The following PTPRN2 variants were observed in gnomAD, a reference collection of about 807,000 sequenced individuals.
PTPRN2 encodes receptor-type tyrosine-protein phosphatase N2.
PTPRN2 carries 74 observed loss-of-function variants against 118.8 expected under a neutral mutation model. The observed-to-expected ratio is 0.62, with a 90% CI of 0.52 to 0.76. The LOEUF (loss-of-function observed/expected upper bound fraction) is 0.76. Among genes scored for constraint, PTPRN2 ranks in the 30% least tolerant of loss-of-function variants. The pLI is 0.00. For synonymous variants in PTPRN2, 641 were observed against 608.0 expected, an observed-to-expected ratio of 1.05 and a Z score of -0.80; for missense variants, 1,481 against 1,394.4, an observed-to-expected ratio of 1.06 and a Z score of -0.99.
At position 158,298,040 on chromosome 7, in the gene PTPRN2, C is replaced by T. The variant is rs774480704; in HGVS notation, c.277+18779G>A. Among the ~76,000 whole-genome samples the T allele has an allele frequency of 1.8e-4, 27 of 152,188 alleles. No homozygotes were observed. In the East Asian group the frequency reaches 1.9e-3, roughly 11 times the overall value. Reference sequence around the variant, plus strand: ...CAAAGTCATTAGTAGTGTTTTCCTACGATTCTTGAATTCAATTTACCTATG... The same window carrying T: ...CAAAGTCATTAGTAGTGTTTTCCTATGATTCTTGAATTCAATTTACCTATG... On this transcript the variant is annotated intron_variant, in intron 3 of 22. Coordinates refer to ENST00000389418, the MANE Select transcript of PTPRN2 (RefSeq NM_002847.5).
rs183034766 is a variant in PTPRN2, at chr7:158,431,141, T to C, written c.163+58594A>G. ...TTATCTGAATGTTTTCAGTGACAGA[T>C]CAAAGAAAAGATCCCAGCCAGCGTG... is the stretch of plus-strand genomic sequence containing the variant. On this transcript the variant is annotated intron_variant, in intron 2 of 22. Coordinates refer to ENST00000389418, the MANE Select transcript of PTPRN2 (RefSeq NM_002847.5). Among the ~76,000 whole-genome samples the C allele has an allele frequency of 2.2e-3, 336 of 152,260 alleles. 7 individuals carry two copies. Among genetic ancestry groups the C allele is most frequent in the Admixed American group, 0.02 (302 of 15,302 alleles).
chr7:158,545,277 CACT>C (rs1826212855), intron 1 of PTPRN2, among the ~76,000 whole-genome samples: 1 of 152,220 alleles, frequency 6.6e-6, no homozygotes, highest in Non-Finnish European at 1.5e-5. Flanking sequence ...TGTCTCTCAC[CACT>C]AAGCTGTAAG....
At chr7:157,917,019 G>A (rs1432615202) in intron 11 of PTPRN2, among the ~76,000 whole-genome samples, 3 of 141,574 alleles carry the variant, frequency 2.1e-5, no homozygotes, top group Non-Finnish European at 4.6e-5. Flanking sequence ...TCCGGGACAC[G>A]TCCAATACAC....
At chr7:158,209,295 G>A (rs1457430193) in intron 3 of PTPRN2, among the ~76,000 whole-genome samples, 2 of 152,046 alleles carry the variant, frequency 1.3e-5, no homozygotes, top group African/African-American at 2.4e-5. Flanking sequence ...ATCATCTGTT[G>A]CCTATAAAAG....
intron 3 of PTPRN2, among the ~76,000 whole-genome samples, chr7:158,234,354 C>A (rs954310172): frequency 6.7e-6 from 1 of 149,494 alleles, no homozygotes; most frequent in African/African-American, 2.4e-5. Flanking sequence ...AAATGGCCAA[C>A]AGGTACAGTC....
chr7:158,229,817 A>G (rs1280314111), intron 3 of PTPRN2, among the ~76,000 whole-genome samples: 1 of 152,090 alleles, frequency 6.6e-6, no homozygotes, highest in East Asian at 1.9e-4. Flanking sequence ...AAGGGGTAGA[A>G]AGCTTACTCA....
Position 158,116,160 on chromosome 7 carries a change from G to A in PTPRN2, c.1557-5245C>T, listed in dbSNP as rs76725022. On this transcript the variant is annotated intron_variant, in intron 9 of 22. Coordinates refer to ENST00000389418, the MANE Select transcript of PTPRN2 (RefSeq NM_002847.5). ...ATTGGCATTAACTGCATGAATGAAT[G>A]AACACGAGAATGTCAAAAACAGCAA... Among the ~76,000 whole-genome samples, 510 of 152,242 alleles carry A rather than the reference G, an allele frequency of 3.3e-3. 2 individuals are homozygous for A. The highest frequency in any genetic ancestry group is 0.011 in the African/African-American group (473 of 41,548).
intron 12 of PTPRN2, among the ~76,000 whole-genome samples, chr7:157,820,458 T>C (rs1806755970): frequency 6.7e-6 from 1 of 148,622 alleles, no homozygotes; most frequent in African/African-American, 2.5e-5. Flanking sequence ...CCCACACACA[T>C]GCACACAAAC....
At chr7:158,096,227 C>T (rs1814617145) in intron 10 of PTPRN2, among the ~76,000 whole-genome samples, 2 of 152,106 alleles carry the variant, frequency 1.3e-5, no homozygotes, top group African/African-American at 2.4e-5. Flanking sequence ...TTGTGGGGCC[C>T]TTTGTTGAAG....
chr7:158,485,412 T>G (rs1365611902), intron 2 of PTPRN2, among the ~76,000 whole-genome samples: 21 of 36,064 alleles, frequency 5.8e-4, no homozygotes, highest in South Asian at 4.3e-3. Context: ...TCTGCGCCCC[T>G]CCTGCTCGGC....
At chr7:157,754,151 C>G (rs546848642) in intron 12 of PTPRN2, among the ~76,000 whole-genome samples, 2 of 152,360 alleles carry the variant, frequency 1.3e-5, no homozygotes, top group South Asian at 4.1e-4. Flanking sequence ...TCAGGAAGAG[C>G]AGGGCCTGGT....
chr7:157,870,433 C>T (rs1470217588), intron 12 of PTPRN2, among the ~76,000 whole-genome samples: 2 of 152,206 alleles, frequency 1.3e-5, no homozygotes, highest in Non-Finnish European at 2.9e-5. Context: ...TTTCATAAAG[C>T]ATCAATGACT....
chr7:158,294,805 G>A (rs1366931733), intron 3 of PTPRN2, among the ~76,000 whole-genome samples: 3 of 152,300 alleles, frequency 2.0e-5, no homozygotes, highest in East Asian at 1.9e-4. Context: ...CACGGCACCC[G>A]CTGACCCTGC....
intron 11 of PTPRN2, among the ~76,000 whole-genome samples, chr7:158,006,509 A>G (rs1180409704): frequency 1.3e-5 from 2 of 152,336 alleles, no homozygotes; most frequent in East Asian, 3.9e-4. Context: ...GGTGAGTCCC[A>G]GCGCCAGGCA....
At chr7:158,472,114 G>A (rs1196335158) in intron 2 of PTPRN2, among the ~76,000 whole-genome samples, 3 of 152,196 alleles carry the variant, frequency 2.0e-5, no homozygotes, top group Non-Finnish European at 4.4e-5. Flanking sequence ...TGACCAATAC[G>A]TGACCATTTC....
chr7:158,059,610 A>G (rs55889551), intron 11 of PTPRN2, among the ~76,000 whole-genome samples: 1 of 66,860 alleles, frequency 1.5e-5, no homozygotes, highest in African/African-American at 8.2e-5. Flanking sequence ...CTCCATCTGC[A>G]CACGGTGACA....
chr7:157,906,754 C>T (rs1250330940), intron 11 of PTPRN2, among the ~76,000 whole-genome samples: 2 of 152,164 alleles, frequency 1.3e-5, no homozygotes, highest in African/African-American at 2.4e-5. Flanking sequence ...CCCAGGACCA[C>T]GGGCGGTGTG....
intron 3 of PTPRN2, among the ~76,000 whole-genome samples, chr7:158,314,898 C>A: frequency 6.7e-6 from 1 of 149,658 alleles, no homozygotes; most frequent in African/African-American, 2.4e-5. Flanking sequence ...CCCTTAAGGA[C>A]AGAGGTGAAC....
At chr7:157,747,436 G>C (rs1801045438) in intron 12 of PTPRN2, among the ~76,000 whole-genome samples, 3 of 130,688 alleles carry the variant, frequency 2.3e-5, no homozygotes, top group Admixed American at 7.7e-5. Context: ...GGGCTGTCCG[G>C]GTGATTCTGA....
Sources: allele counts gnomAD v4.1 joint callset (sites outside exome capture counted in the v4.1 genomes callset), GRCh38; gene constraint gnomAD v4.1.1; transcripts MANE v1.5; gene names NCBI Gene and HGNC (gene_info 2026-07-23, HGNC 2026-07-21).